UTRN: variants seen among roughly 807,000 people sequenced by gnomAD.
UTRN encodes the protein dystrophin-related protein 1.
A neutral mutation model predicts 463.9 loss-of-function variants in UTRN; 283 were observed. The observed-to-expected ratio is 0.61, with a 90% CI of 0.55 to 0.67. The LOEUF is 0.67. Ranked by LOEUF, UTRN falls within the 30% of genes least tolerant of loss-of-function variation. The pLI is 0.00. For missense variants in UTRN, 3,922 were observed against 4,084.3 expected, an observed-to-expected ratio of 0.96 and a Z score of 1.08; for synonymous variants, 1,442 against 1,431.5, an observed-to-expected ratio of 1.01 and a Z score of -0.17.
rs1434878709 is a variant in UTRN at position 144,648,279 on chromosome 6, T to G, written c.7480-30127T>G. The stretch of plus-strand genomic sequence containing the variant: ...CTCATTCATTATTTTTCAATTATAG[T>G]GCAAGGACGAGCAGTTTACCCTAAT... On this transcript the variant is annotated intron_variant, in intron 51 of 74. Coordinates refer to ENST00000367545, the MANE Select transcript of UTRN (RefSeq NM_007124.3). 2.0e-5 allele frequency among the ~76,000 whole-genome samples: 3 copies of G among 152,332 alleles called. No individual in the cohort carries two copies. The East Asian group carries it at 5.8e-4, about 29-fold the overall frequency.
chr6:144,542,278 T>G (rs543972597), intron 45 of UTRN, among the ~76,000 whole-genome samples: 1 of 152,248 alleles, frequency 6.6e-6, no homozygotes, highest in East Asian at 1.9e-4. Flanking sequence ...GAATATCTAG[T>G]TCACAGAGAG....
intron 2 of UTRN, chr6:144,311,641 A>G (rs2473152): frequency 0.4 from 60,614 of 152,066 alleles, 12,533 homozygotes; most frequent in African/African-American, 0.49. Flanking sequence ...AAGCTCCAGA[A>G]AACCTAATTG....
rs114363114 is a variant in UTRN, at chr6:144,838,953, T to C, written c.10066-220T>C. On this transcript the variant is annotated intron_variant, in intron 71 of 74. Coordinates refer to ENST00000367545, the MANE Select transcript of UTRN (RefSeq NM_007124.3). ...TAAAAATGGTGTTGATAAATGAGTC[T>C]GGCAGCATAACCAAGTGGATTCTTC... 967 of 453,658 alleles carry C rather than the reference T, an allele frequency of 2.1e-3. 13 individuals are homozygous for C. The highest frequency in any genetic ancestry group is 0.018 in the African/African-American group (910 of 50,398). 28.1% of individuals were successfully genotyped at this position (453,658 alleles called of 1,614,324 possible).
chr6:144,306,929 G>T (rs1028022016), intron 2 of UTRN, among the ~76,000 whole-genome samples: 2 of 151,806 alleles, frequency 1.3e-5, no homozygotes, highest in African/African-American at 4.8e-5. Flanking sequence ...CCTGGGCATG[G>T]GGTCGCGCAC....
chr6:144,662,342 TC>T (rs939318606), intron 51 of UTRN, among the ~76,000 whole-genome samples: 1 of 151,978 alleles, frequency 6.6e-6, no homozygotes, highest in Non-Finnish European at 1.5e-5. Context: ...CTAACCACCT[TC>T]CCCCAACAAA....
At chr6:144,824,339 A>T (rs1318633611) in intron 66 of UTRN, among the ~76,000 whole-genome samples, 1 of 151,404 alleles carries the variant, frequency 6.6e-6, no homozygotes, top group Non-Finnish European at 1.5e-5. Context: ...GGAAGAGTCT[A>T]ATGACAATTT....
At chr6:144,633,301 C>G (rs538678595) in intron 51 of UTRN, among the ~76,000 whole-genome samples, 1 of 149,238 alleles carries the variant, frequency 6.7e-6, no homozygotes, top group Non-Finnish European at 1.5e-5. Flanking sequence ...GCGATCTCGG[C>G]GCACTGCAAG....
chr6:144,329,210 G>A (rs1384159639), intron 2 of UTRN, among the ~76,000 whole-genome samples: 1 of 151,776 alleles, frequency 6.6e-6, no homozygotes, highest in African/African-American at 2.4e-5. Flanking sequence ...AGACTCCCGA[G>A]TAGCTGGGAC....
rs768155191 is a variant in UTRN at position 144,436,005 on chromosome 6, T to C, written c.926T>C (p.Met309Thr). The change falls in exon 10 of 75, where the codon ATG (methionine) becomes ACG (threonine). Residue 309 changes from methionine to threonine, a missense_variant. Around this residue, in one of 3 missense-constraint regions of UTRN, gnomAD observed 2,349 missense variants for 2,303.8 expected, o/e 1.02. Coordinates refer to ENST00000367545, the MANE Select transcript of UTRN (RefSeq NM_007124.3). ...ETPSTVTEVD[M>T]DLDSYQIALE... ...CCCAGCACTGTCACTGAGGTTGACA[T>C]GGATCTGGACAGCTATCAGATTGCG... 3.1e-6 allele frequency: 5 copies of C among 1,614,196 alleles called. No individual in the cohort carries two copies. The Middle Eastern group carries it at 5.0e-4, about 160-fold the overall frequency.
At chr6:144,309,716 G>C (rs558514011) in intron 2 of UTRN, among the ~76,000 whole-genome samples, 1 of 152,264 alleles carries the variant, frequency 6.6e-6, no homozygotes, top group South Asian at 2.1e-4. Flanking sequence ...CCACAGTAGA[G>C]GGATCCTTTT....
At chr6:144,378,006 T>C (rs1780607001) in intron 2 of UTRN, among the ~76,000 whole-genome samples, 2 of 152,230 alleles carry the variant, frequency 1.3e-5, no homozygotes, top group Non-Finnish European at 2.9e-5. Context: ...TCTAATGAAC[T>C]TTAGAATTGC....
At chr6:144,844,274 T>C (rs1217254164) in intron 73 of UTRN, among the ~76,000 whole-genome samples, 2 of 151,942 alleles carry the variant, frequency 1.3e-5, no homozygotes, top group Non-Finnish European at 2.9e-5. Context: ...CTCTCTCTTT[T>C]TTTTTTTTTT....
At chr6:144,338,504 T>C (rs1405007212) in intron 2 of UTRN, among the ~76,000 whole-genome samples, 1 of 152,246 alleles carries the variant, frequency 6.6e-6, no homozygotes, top group Non-Finnish European at 1.5e-5. Context: ...TTGATCAGTA[T>C]AGTCATGGGA....
chr6:144,774,271 GTTTCTT>G lies in UTRN; in HGVS notation c.8558-13_8558-8del, dbSNP rs1353444821. ...TCAATAATAAGCCTATCTTCAAATT[GTTTCTT>G]TTTCTATTTCAGCTGACCTGAATAA... On this transcript the variant is annotated splice_polypyrimidine_tract_variant and intron_variant, in intron 59 of 74. Coordinates refer to ENST00000367545, the MANE Select transcript of UTRN (RefSeq NM_007124.3). 6.3e-7 allele frequency: 1 copy of G among 1,590,956 alleles called. No individual in the cohort carries two copies. The highest frequency in any genetic ancestry group is 8.5e-7 in the Non-Finnish European group (1 of 1,172,210).
intron 51 of UTRN, among the ~76,000 whole-genome samples, chr6:144,675,929 T>C (rs1781544271): frequency 6.6e-6 from 1 of 152,224 alleles, no homozygotes; most frequent in African/African-American, 2.4e-5. Context: ...ATTTTAAGTC[T>C]ATGGCTTTTG....
In UTRN at chr6:144,296,918, T is replaced by C. The variant is rs1036452172; in HGVS notation, c.79+5011T>C. Among the ~76,000 whole-genome samples, 6 of 152,198 alleles carry C rather than the reference T, an allele frequency of 3.9e-5. No homozygotes were observed. In the East Asian group the frequency reaches 1.2e-3, roughly 29 times the overall value. ...CTTCTGGGCCAGTTGCATCCTTTCT[T>C]GATTTTTGGCTCTAGTCTCTGTCAT... On this transcript the variant is annotated intron_variant, in intron 2 of 74. Coordinates refer to ENST00000367545, the MANE Select transcript of UTRN (RefSeq NM_007124.3).
chr6:144,584,894 C>T (rs958402703), intron 51 of UTRN, among the ~76,000 whole-genome samples: 13 of 152,108 alleles, frequency 8.5e-5, no homozygotes, highest in African/African-American at 2.9e-4. Context: ...TTATGTTTTT[C>T]ATGAAAAGGC....
intron 58 of UTRN, among the ~76,000 whole-genome samples, chr6:144,763,101 A>G (rs1401255229): frequency 2.0e-5 from 3 of 152,192 alleles, no homozygotes; most frequent in Non-Finnish European, 4.4e-5. Context: ...AATGTACAAT[A>G]TCACACAACA....
intron 53 of UTRN, among the ~76,000 whole-genome samples, chr6:144,713,194 A>G (rs1426343603): frequency 6.6e-6 from 1 of 152,204 alleles, no homozygotes. Context: ...GAGTAACAAT[A>G]TTGACACTCA....
Sources: gnomAD v4.1 joint callset for allele counts (sites outside exome capture counted in the v4.1 genomes callset) on GRCh38, gnomAD v4.1.1 for gene constraint, gnomAD v4.1.1 regional missense constraint, MANE v1.5 for transcripts, NCBI Gene and HGNC (gene_info 2026-07-23, HGNC 2026-07-21) for gene names.